Variants in TSPAN18 observed in about 807,000 individuals in gnomAD.
The protein encoded by TSPAN18 is tetraspanin-18.
A neutral mutation model predicts 27.3 loss-of-function variants in TSPAN18; 14 were observed. The observed-to-expected ratio is 0.51, with a 90% CI of 0.34 to 0.80. The LOEUF (loss-of-function observed/expected upper bound fraction) is 0.80. Among genes scored for constraint, TSPAN18 ranks in the 30% least tolerant of loss-of-function variants. The probability of loss-of-function intolerance (pLI) is 0.01; values close to 1 mark genes in which losing one functional copy is unlikely to be tolerated. For missense variants in TSPAN18, 268 were observed against 323.9 expected (o/e 0.83, Z 1.32); for synonymous variants, 143 against 136.5 (o/e 1.05, Z -0.33).
intron 2 of TSPAN18, among the ~76,000 whole-genome samples, chr11:44,820,546 G>T (rs1374498407): frequency 6.6e-6 from 1 of 152,234 alleles, no homozygotes; most frequent in Non-Finnish European, 1.5e-5. Context: ...GCCACTTGCT[G>T]TGCATTTTTG....
chr11:44,764,086 C>G (rs1855512269), intron 1 of TSPAN18, among the ~76,000 whole-genome samples: 1 of 152,078 alleles, frequency 6.6e-6, no homozygotes. Context: ...TTTAAACAAG[C>G]AGATCTCACG....
At chr11:44,744,177 C>T (rs1010097704) in intron 1 of TSPAN18, among the ~76,000 whole-genome samples, 4 of 152,212 alleles carry the variant, frequency 2.6e-5, no homozygotes, top group African/African-American at 7.2e-5. Flanking sequence ...GTGGGGCCTC[C>T]TCCCTGGGTT....
At chr11:44,882,077 G>C (rs552858001) in intron 3 of TSPAN18, among the ~76,000 whole-genome samples, 2 of 152,190 alleles carry the variant, frequency 1.3e-5, no homozygotes, top group South Asian at 4.2e-4. Flanking sequence ...TAGGGTCCCT[G>C]GTGGTCCTGG....
chr11:44,865,631 A>G (rs898604101), intron 3 of TSPAN18, among the ~76,000 whole-genome samples: 5 of 152,350 alleles, frequency 3.3e-5, no homozygotes, highest in Non-Finnish European at 7.3e-5. Context: ...CCCTTTTCCT[A>G]GCAACATTCT....
intron 3 of TSPAN18, among the ~76,000 whole-genome samples, chr11:44,881,854 AC>A (rs1257921981): frequency 6.6e-6 from 1 of 152,198 alleles, no homozygotes; most frequent in Non-Finnish European, 1.5e-5. Flanking sequence ...TCTTCTCAGA[AC>A]ATTTACCTTG....
chr11:44,834,797 C>G (rs1239145977), intron 2 of TSPAN18, among the ~76,000 whole-genome samples: 1 of 152,072 alleles, frequency 6.6e-6, no homozygotes, highest in African/African-American at 2.4e-5. Flanking sequence ...GTCAGATGCC[C>G]TAGAAGTAGA....
chr11:44,909,885 T>C lies in TSPAN18; in HGVS notation c.244T>C (p.Cys82Arg). The C allele has an allele frequency of 1.9e-6, 3 of 1,612,720 alleles. No individual in the cohort carries two copies. Among genetic ancestry groups the C allele is most frequent in the Non-Finnish European group, 2.5e-6 (3 of 1,179,200 alleles). ...CTGCGGGGCCGTCCGTGAGAACAAG[T>C]GTCTGCTGCTATTTGTGAGTACCCC... is the stretch of plus-strand genomic sequence containing the variant. ...GCCGAVRENK[C>R]LLLFFFLFIL... Residue 82 changes from cysteine (C) to arginine (R), a missense_variant, in exon 5 of 10, where the codon TGT becomes CGT. Coordinates refer to ENST00000520358, the MANE Select transcript of TSPAN18 (RefSeq NM_130783.5).
At chr11:44,897,686 T>C in intron 3 of TSPAN18, 1 of 1,085,876 alleles carries the variant, frequency 9.2e-7, no homozygotes, top group Non-Finnish European at 1.2e-6. Flanking sequence ...CATAAACAGC[T>C]CCTTTCATGG....
intron 2 of TSPAN18, among the ~76,000 whole-genome samples, chr11:44,787,930 A>G (rs895806119): frequency 9.9e-5 from 15 of 152,106 alleles, no homozygotes; most frequent in African/African-American, 3.6e-4. Flanking sequence ...AGACAGTCAC[A>G]CTGGCTTCTG....
At chr11:44,833,776 C>T (rs989314669) in intron 2 of TSPAN18, among the ~76,000 whole-genome samples, 5 of 151,914 alleles carry the variant, frequency 3.3e-5, no homozygotes, top group Non-Finnish European at 1.5e-5. Flanking sequence ...GACACCCCAC[C>T]TGGGCCTTGA....
chr11:44,770,345 G>A (rs181657002), intron 2 of TSPAN18, among the ~76,000 whole-genome samples: 1 of 152,272 alleles, frequency 6.6e-6, no homozygotes, highest in East Asian at 1.9e-4. Flanking sequence ...CTAATCAGAT[G>A]TAATTTGAGC....
chr11:44,920,559 C>T (rs994170360), intron 8 of TSPAN18, among the ~76,000 whole-genome samples: 2 of 152,152 alleles, frequency 1.3e-5, no homozygotes, highest in Admixed American at 6.5e-5. Context: ...GGAAGACAAG[C>T]GCCTGGCTTT....
At chr11:44,873,531 A>G (rs1858249659) in intron 3 of TSPAN18, among the ~76,000 whole-genome samples, 1 of 152,260 alleles carries the variant, frequency 6.6e-6, no homozygotes, top group Admixed American at 6.5e-5. Flanking sequence ...CAAAGAAAGC[A>G]GCATGGAAGG....
chr11:44,756,645 C>T (rs1276135594), intron 1 of TSPAN18, among the ~76,000 whole-genome samples: 1 of 152,172 alleles, frequency 6.6e-6, no homozygotes, highest in East Asian at 1.9e-4. Flanking sequence ...CTACATGTTT[C>T]ATGTAAGTGG....
rs112241142 is a variant in TSPAN18 at position 44,766,899 on chromosome 11, A to T, written c.-153+2387A>T. On this transcript the variant is annotated intron_variant, in intron 2 of 9. Transcript: ENST00000520358. Reference sequence around the variant, plus strand: ...GATCCCCCATAGCCTCAGTTTTCTCATCTGTAAGATGGGCAAAGAGCATGC... The same window carrying T: ...GATCCCCCATAGCCTCAGTTTTCTCTTCTGTAAGATGGGCAAAGAGCATGC... Among the ~76,000 whole-genome samples the T allele has an allele frequency of 3.1e-3, 477 of 152,280 alleles. 2 individuals carry two copies. The highest frequency in any genetic ancestry group is 9.6e-3 in the African/African-American group (398 of 41,552).
In TSPAN18 at chr11:44,929,507, C is replaced by A; in HGVS notation, c.*329C>A. 3.0e-6 allele frequency: 1 copy of A among 334,744 alleles called. No homozygotes were observed. The highest frequency in any genetic ancestry group is 5.4e-6 in the Non-Finnish European group (1 of 183,624). The allele number at this position is 334,744 out of a possible 1,614,324, so 20.7% of individuals were successfully genotyped here. A position where few individuals can be genotyped will look rare whatever the true frequency, so the allele number is the denominator to read the frequency against. ...TCTTTGGTCCAGCCAGACCCTGGGC[C>A]CTCTCTCCTCACTGCACCAGGACCT... On this transcript the variant is annotated 3_prime_UTR_variant, in exon 10 of 10. Transcript: ENST00000520358.
chr11:44,900,991 G>A (rs200430026), intron 3 of TSPAN18, among the ~76,000 whole-genome samples: 18 of 152,126 alleles, frequency 1.2e-4, no homozygotes, highest in African/African-American at 3.1e-4. Context: ...CACCGCGCCC[G>A]GCCGAGGAAG....
intron 2 of TSPAN18, among the ~76,000 whole-genome samples, chr11:44,782,215 T>C (rs527725212): frequency 5.9e-5 from 9 of 152,296 alleles, no homozygotes; most frequent in African/African-American, 2.2e-4. Context: ...TCCTGGAATA[T>C]AGTGACTGCA....
chr11:44,762,236 G>A (rs564932285), intron 1 of TSPAN18, among the ~76,000 whole-genome samples: 1 of 152,342 alleles, frequency 6.6e-6, no homozygotes, highest in Admixed American at 6.5e-5. Context: ...CACAGCCATG[G>A]TGGGAAATAA....
Sources: allele counts gnomAD v4.1 joint callset (sites outside exome capture counted in the v4.1 genomes callset), GRCh38; gene constraint gnomAD v4.1.1; transcripts MANE v1.5; gene names NCBI Gene and HGNC (gene_info 2026-07-23, HGNC 2026-07-21).